The following ROBO2 variants were observed in gnomAD, a reference collection of about 807,000 sequenced individuals.
ROBO2 encodes roundabout guidance receptor 2.
ROBO2 carries 53 observed loss-of-function variants against 160.8 expected under a neutral mutation model. The ratio of observed to expected loss-of-function variants is 0.33; its 90% confidence interval spans 0.26 to 0.41. The LOEUF (loss-of-function observed/expected upper bound fraction) is 0.41. ROBO2 is among the 10% of genes least tolerant of loss of function. ROBO2 has a pLI of 1.00. For synonymous variants in ROBO2, 664 were observed against 611.7 expected, an observed-to-expected ratio of 1.09 and a Z score of -1.26; for missense variants, 1,577 against 1,722.4, an observed-to-expected ratio of 0.92 and a Z score of 1.49.
intron 2 of ROBO2, among the ~76,000 whole-genome samples, chr3:76,330,045 A>T (rs1170810555): frequency 1.3e-5 from 2 of 152,230 alleles, no homozygotes; most frequent in Admixed American, 1.3e-4. Context: ...ATTTTACTGT[A>T]TCTATGTGGG....
intron 2 of ROBO2, among the ~76,000 whole-genome samples, chr3:76,426,072 T>A (rs2076209556): frequency 6.6e-6 from 1 of 152,194 alleles, no homozygotes; most frequent in South Asian, 2.1e-4. Flanking sequence ...TGTGCACAGA[T>A]GAGTGTTGAG....
At chr3:77,227,996 AT>A (rs1250547765) in intron 2 of ROBO2, among the ~76,000 whole-genome samples, 2 of 152,222 alleles carry the variant, frequency 1.3e-5, no homozygotes, top group East Asian at 3.8e-4. Context: ...AAGAGAAAAC[AT>A]GCTGAACTTA....
intron 2 of ROBO2, among the ~76,000 whole-genome samples, chr3:76,386,480 C>G (rs930667093): frequency 5.9e-5 from 9 of 151,758 alleles, no homozygotes; most frequent in Non-Finnish European, 1.3e-4. Flanking sequence ...GGGTTGCATT[C>G]TTTATTCAAT....
At chr3:77,333,718 ATACT>A (rs2066208508) in intron 2 of ROBO2, among the ~76,000 whole-genome samples, 1 of 152,230 alleles carries the variant, frequency 6.6e-6, no homozygotes. Context: ...TGCAAAACAA[ATACT>A]TAATTGGTAT....
At chr3:76,546,489 A>T (rs1003394917) in intron 2 of ROBO2, among the ~76,000 whole-genome samples, 3 of 151,910 alleles carry the variant, frequency 2.0e-5, no homozygotes, top group Admixed American at 2.0e-4. Flanking sequence ...CTGACCTTAC[A>T]TTAGGGAGAG....
chr3:76,720,642 A>C (rs1452454759), intron 2 of ROBO2, among the ~76,000 whole-genome samples: 1 of 152,250 alleles, frequency 6.6e-6, no homozygotes, highest in Non-Finnish European at 1.5e-5. Context: ...AAGAAGCTAT[A>C]GACTAGTGTA....
At chr3:76,566,369 G>A (rs532267493) in intron 2 of ROBO2, among the ~76,000 whole-genome samples, 5 of 152,226 alleles carry the variant, frequency 3.3e-5, no homozygotes, top group South Asian at 2.1e-4. Flanking sequence ...GAGGCCTTAC[G>A]GTCTCCCTAG....
At chr3:76,669,186 A>C (rs1405255219) in intron 2 of ROBO2, among the ~76,000 whole-genome samples, 2 of 152,144 alleles carry the variant, frequency 1.3e-5, no homozygotes, top group African/African-American at 4.8e-5. Flanking sequence ...AATCCCACTC[A>C]GTCCGATCAA....
chr3:76,983,270 G>A (rs1207790986), intron 2 of ROBO2, among the ~76,000 whole-genome samples: 2 of 152,070 alleles, frequency 1.3e-5, no homozygotes, highest in African/African-American at 2.4e-5. Context: ...CTGGGTGACA[G>A]AGTGAGACTC....
chr3:76,481,852 G>C (rs935861260), intron 2 of ROBO2, among the ~76,000 whole-genome samples: 1 of 152,082 alleles, frequency 6.6e-6, no homozygotes, highest in African/African-American at 2.4e-5. Flanking sequence ...CTTGTTCAAA[G>C]ACCCTGAAGA....
At chr3:77,520,993 T>A (rs1422397412) in intron 5 of ROBO2, among the ~76,000 whole-genome samples, 2 of 151,308 alleles carry the variant, frequency 1.3e-5, no homozygotes, top group African/African-American at 4.8e-5. Flanking sequence ...ACAGTTGGCC[T>A]TTATATCAGT....
intron 2 of ROBO2, among the ~76,000 whole-genome samples, chr3:76,852,688 T>A (rs1331752938): frequency 6.6e-6 from 1 of 152,142 alleles, no homozygotes; most frequent in Non-Finnish European, 1.5e-5. Flanking sequence ...CAATCTGAAA[T>A]AATGGCAATA....
intron 21 of ROBO2, among the ~76,000 whole-genome samples, chr3:77,615,906 A>G (rs2094764873): frequency 6.6e-6 from 1 of 152,192 alleles, no homozygotes; most frequent in Admixed American, 6.5e-5. Context: ...ACTCTTTGTA[A>G]GAGAGATCAA....
chr3:76,932,045 G>A (rs2077380116), intron 2 of ROBO2, among the ~76,000 whole-genome samples: 1 of 152,144 alleles, frequency 6.6e-6, no homozygotes, highest in African/African-American at 2.4e-5. Context: ...AAGACTTTAA[G>A]ATAGTTTAAA....
chr3:76,879,617 C>A (rs962710053), intron 2 of ROBO2, among the ~76,000 whole-genome samples: 12 of 151,956 alleles, frequency 7.9e-5, no homozygotes, highest in Non-Finnish European at 1.3e-4. Flanking sequence ...TCAAAGCAAA[C>A]AAACACAATC....
chr3:77,406,556 T>C (rs1395603488), intron 2 of ROBO2, among the ~76,000 whole-genome samples: 2 of 152,192 alleles, frequency 1.3e-5, no homozygotes, highest in East Asian at 1.9e-4. Context: ...AAAGGAGTGC[T>C]GACTGGAAAA....
At chr3:77,460,350 A>G (rs1452612333) in intron 2 of ROBO2, among the ~76,000 whole-genome samples, 1 of 152,172 alleles carries the variant, frequency 6.6e-6, no homozygotes, top group South Asian at 2.1e-4. Context: ...CATTTTGGTA[A>G]TGTTGAGTTA....
chr3:75,983,734 A>G (rs1395084891), intron 2 of ROBO2, among the ~76,000 whole-genome samples: 1 of 151,336 alleles, frequency 6.6e-6, no homozygotes, highest in East Asian at 1.9e-4. Flanking sequence ...TCCAGTCATC[A>G]CAGGGTAGAT....
intron 23 of ROBO2, among the ~76,000 whole-genome samples, chr3:77,626,166 A>C (rs2095020386): frequency 6.6e-6 from 1 of 152,200 alleles, no homozygotes; most frequent in Admixed American, 6.5e-5. Context: ...GTGTGTGTGT[A>C]TATAAACACA....
Sources: gnomAD v4.1 joint callset for allele counts (sites outside exome capture counted in the v4.1 genomes callset) on GRCh38, gnomAD v4.1.1 for gene constraint, MANE v1.5 for transcripts, NCBI Gene and HGNC (gene_info 2026-07-23, HGNC 2026-07-21) for gene names.